Variants in TAFA1 observed in about 807,000 individuals in gnomAD.
TAFA1 encodes the protein TAFA chemokine like family member 1, also known as chemokine-like protein TAFA-1.
In TAFA1, 4 loss-of-function variants were observed where a neutral mutation model predicts 18.5. The ratio of observed to expected loss-of-function variants is 0.22; its 90% CI spans 0.11 to 0.49. The LOEUF is 0.49. Ranked by LOEUF, TAFA1 falls within the 20% of genes least tolerant of loss-of-function variation. The pLI, the probability that TAFA1 is intolerant of heterozygous loss-of-function variation, is 0.98. For missense variants in TAFA1, 147 were observed against 169.0 expected (o/e 0.87, Z 0.72); for synonymous variants, 56 against 55.2 (o/e 1.01, Z -0.06).
At chr3:68,019,896 A>G (rs1704650891) in intron 2 of TAFA1, among the ~76,000 whole-genome samples, 1 of 152,198 alleles carries the variant, frequency 6.6e-6, no homozygotes, top group African/African-American at 2.4e-5. Context: ...TTGCTGATCA[A>G]TTACTATATG....
chr3:68,253,602 G>C (rs2067238004), intron 2 of TAFA1, among the ~76,000 whole-genome samples: 1 of 152,124 alleles, frequency 6.6e-6, no homozygotes. Flanking sequence ...CCAGACTGAA[G>C]AACCCTAATG....
the TAFA1 span, among the ~76,000 whole-genome samples, chr3:67,998,950 A>G: frequency 6.6e-6 from 1 of 152,028 alleles, no homozygotes; most frequent in African/African-American, 2.4e-5. Flanking sequence ...TTTCTATGCT[A>G]TTTTCATCCT....
intron 2 of TAFA1, among the ~76,000 whole-genome samples, chr3:68,396,659 A>G (rs2070388995): frequency 6.6e-6 from 1 of 152,170 alleles, no homozygotes; most frequent in Non-Finnish European, 1.5e-5. Flanking sequence ...AATCAACAAA[A>G]CTGCCATAGA....
At chr3:68,017,271 A>T (rs1704589696) in intron 2 of TAFA1, among the ~76,000 whole-genome samples, 1 of 152,184 alleles carries the variant, frequency 6.6e-6, no homozygotes, top group South Asian at 2.1e-4. Context: ...CACCTACTGG[A>T]CAGGTGCTTG....
intron 2 of TAFA1, among the ~76,000 whole-genome samples, chr3:68,237,457 G>A (rs2066942286): frequency 1.3e-5 from 2 of 152,154 alleles, no homozygotes; most frequent in Admixed American, 1.3e-4. Context: ...AACATTCACT[G>A]CTGATGCTCA....
At chr3:68,228,181 C>T (rs746446720) in intron 2 of TAFA1, among the ~76,000 whole-genome samples, 1 of 152,220 alleles carries the variant, frequency 6.6e-6, no homozygotes, top group Non-Finnish European at 1.5e-5. Flanking sequence ...AGCATCATTA[C>T]ATCCCCTGGC....
At chr3:68,534,487 T>A (rs2073240793) in intron 3 of TAFA1, among the ~76,000 whole-genome samples, 1 of 152,184 alleles carries the variant, frequency 6.6e-6, no homozygotes, top group East Asian at 1.9e-4. Context: ...TTTTATAGAC[T>A]CAAATTAGCA....
At chr3:68,282,181 C>G (rs1448708814) in intron 2 of TAFA1, among the ~76,000 whole-genome samples, 1 of 152,170 alleles carries the variant, frequency 6.6e-6, no homozygotes, top group Non-Finnish European at 1.5e-5. Context: ...AATTACGTCC[C>G]ATTGGGTCCC....
chr3:68,301,893 GT>G (rs1159072542), intron 2 of TAFA1, among the ~76,000 whole-genome samples: 1 of 151,988 alleles, frequency 6.6e-6, no homozygotes, highest in Non-Finnish European at 1.5e-5. Context: ...AATATATTTT[GT>G]TTTGGTAAGT....
intron 2 of TAFA1, among the ~76,000 whole-genome samples, chr3:68,263,543 A>T (rs1478570116): frequency 6.6e-6 from 1 of 150,938 alleles, no homozygotes; most frequent in African/African-American, 2.4e-5. Context: ...CTGGCATTTG[A>T]CTCTGGAAGG....
At chr3:68,147,686 G>A (rs1595490) in intron 2 of TAFA1, among the ~76,000 whole-genome samples, 149,406 of 152,292 alleles carry the variant, frequency 0.98, 73,361 homozygotes, top group East Asian at 1. Context: ...AAAGATTTGA[G>A]GGCAAAACAT....
chr3:68,479,445 A>G (rs2072184314), intron 3 of TAFA1, among the ~76,000 whole-genome samples: 1 of 152,016 alleles, frequency 6.6e-6, no homozygotes, highest in Admixed American at 6.6e-5. Context: ...CAAGACTTCC[A>G]GAGATCAATG....
At chr3:68,230,642 T>C (rs2066860716) in intron 2 of TAFA1, among the ~76,000 whole-genome samples, 1 of 152,230 alleles carries the variant, frequency 6.6e-6, no homozygotes, top group African/African-American at 2.4e-5. Context: ...CAATGAGCAA[T>C]GGGATTGCTG....
At chr3:67,993,980 C>A in the TAFA1 span, among the ~76,000 whole-genome samples, 1 of 152,092 alleles carries the variant, frequency 6.6e-6, no homozygotes, top group Non-Finnish European at 1.5e-5. Context: ...GTGAAGCAGC[C>A]TAGCCGGGTA....
At chr3:68,081,359 C>T (rs975907715) in intron 2 of TAFA1, among the ~76,000 whole-genome samples, 2 of 151,948 alleles carry the variant, frequency 1.3e-5, no homozygotes, top group Non-Finnish European at 2.9e-5. Context: ...CTGGTGAGGA[C>T]CTGCGTTCCT....
chr3:68,354,934 A>G (rs2069334691), intron 2 of TAFA1, among the ~76,000 whole-genome samples: 1 of 152,096 alleles, frequency 6.6e-6, no homozygotes, highest in South Asian at 2.1e-4. Context: ...ATACTGTTGT[A>G]TTGGGAATTA....
At position 68,322,882 on chromosome 3, in the gene TAFA1, G is replaced by T. The variant is rs532593356; in HGVS notation, c.119-94398G>T. Among the ~76,000 whole-genome samples, 4 of 152,272 alleles carry T rather than the reference G, an allele frequency of 2.6e-5. No individual in the cohort carries two copies. In the Middle Eastern group the frequency reaches 0.01, roughly 388 times the overall value. ...CTCTTGAACCTTGGAGGCAGAGGTTGCAGTGAGCGAAGATCACACCACTGC... is the reference window on the plus strand; with the variant it reads ...CTCTTGAACCTTGGAGGCAGAGGTTTCAGTGAGCGAAGATCACACCACTGC... On this transcript the variant is annotated intron_variant, in intron 2 of 4. Coordinates refer to ENST00000478136, the MANE Select transcript of TAFA1 (RefSeq NM_213609.4).
rs148063998 is a variant in TAFA1, at chr3:68,050,011, T to G, written c.118+43267T>G. Reference sequence around the variant, plus strand: ...GGAGCTAGATGTCCTGGCTCACATCTCCAATTACTAGTTTTGTGACTTTGT... The same window carrying G: ...GGAGCTAGATGTCCTGGCTCACATCGCCAATTACTAGTTTTGTGACTTTGT... On this transcript the variant is annotated intron_variant, in intron 2 of 4. Transcript: ENST00000478136. Among the ~76,000 whole-genome samples, 1,029 of 152,218 alleles carry G rather than the reference T, an allele frequency of 6.8e-3. 10 individuals are homozygous for G. The highest frequency in any genetic ancestry group is 0.024 in the African/African-American group (994 of 41,536).
intron 2 of TAFA1, among the ~76,000 whole-genome samples, chr3:68,080,692 C>G (rs2064886169): frequency 6.6e-6 from 1 of 152,182 alleles, no homozygotes; most frequent in Non-Finnish European, 1.5e-5. Context: ...TGCTGTTAGT[C>G]TGATGGCTTC....
Sources: gnomAD v4.1 joint callset for allele counts (sites outside exome capture counted in the v4.1 genomes callset) on GRCh38, gnomAD v4.1.1 for gene constraint, MANE v1.5 for transcripts, NCBI Gene and HGNC (gene_info 2026-07-23, HGNC 2026-07-21) for gene names.